ARHGAP42: variants seen among roughly 807,000 people sequenced by gnomAD.
ARHGAP42 encodes rho GTPase-activating protein 42.
ARHGAP42 carries 63 observed loss-of-function variants against 125.0 expected under a neutral mutation model. The ratio of observed to expected loss-of-function variants is 0.50; its 90% CI spans 0.41 to 0.62. ARHGAP42 has a LOEUF of 0.62. ARHGAP42 is among the 20% of genes least tolerant of loss of function. The pLI is 0.00. For synonymous variants in ARHGAP42, 339 were observed against 351.0 expected (o/e 0.97, Z 0.38); for missense variants, 766 against 1,024.2 (o/e 0.75, Z 3.44).
chr11:100,946,465 A>T (rs1868021281), intron 10 of ARHGAP42, among the ~76,000 whole-genome samples: 1 of 152,066 alleles, frequency 6.6e-6, no homozygotes, highest in South Asian at 2.1e-4. Context: ...TTTCTCACTA[A>T]GTTTGGTCAT....
In ARHGAP42 at chr11:100,989,256, GA is replaced by G. The variant is rs1858769016; in HGVS notation, c.*458del. On this transcript the variant is annotated 3_prime_UTR_variant, in exon 24 of 24. Transcript: ENST00000298815. ...TTCATTTATTGTTTTTTTTTTCTTAGAAATATACTGCTTTTATATATGATTG... is the reference window on the plus strand; with the variant it reads ...TTCATTTATTGTTTTTTTTTTCTTAGAATATACTGCTTTTATATATGATTG... The G allele has an allele frequency of 2.5e-6, 1 of 395,782 alleles. No individual in the cohort carries two copies. Among genetic ancestry groups the G allele is most frequent in the Non-Finnish European group, 4.4e-6 (1 of 225,064 alleles). The allele number at this position is 395,782 out of a possible 1,614,324, so 24.5% of individuals were successfully genotyped here.
intron 2 of ARHGAP42, among the ~76,000 whole-genome samples, chr11:100,794,408 T>G (rs532758307): frequency 6.6e-6 from 1 of 152,320 alleles, no homozygotes; most frequent in East Asian, 1.9e-4. Flanking sequence ...TAGGTACAGA[T>G]AGTTTTCTAA....
intron 3 of ARHGAP42, among the ~76,000 whole-genome samples, chr11:100,825,968 A>G (rs1049455141): frequency 3.9e-5 from 6 of 152,148 alleles, no homozygotes; most frequent in Admixed American, 6.5e-5. Flanking sequence ...GTTGTACTTC[A>G]GTAGAGTTTT....
At position 100,885,372 on chromosome 11, in the gene ARHGAP42, T is replaced by G. The variant is rs138296108; in HGVS notation, c.384+25747T>G. On this transcript the variant is annotated intron_variant, in intron 4 of 23. Coordinates refer to ENST00000298815, the MANE Select transcript of ARHGAP42 (RefSeq NM_152432.4). The stretch of plus-strand genomic sequence containing the variant: ...GTTGAATCTTAAAGAATCTTCCCTG[T>G]CAACAATTTCTTTAGGTTATTTATA... Among the ~76,000 whole-genome samples the G allele has an allele frequency of 5.9e-5, 9 of 152,314 alleles. No homozygotes were observed. In the East Asian group the frequency reaches 1.7e-3, roughly 29 times the overall value.
chr11:100,833,247 A>G (rs1228977803), intron 3 of ARHGAP42, among the ~76,000 whole-genome samples: 1 of 152,236 alleles, frequency 6.6e-6, no homozygotes, highest in Non-Finnish European at 1.5e-5. Context: ...CTCAGCTTTA[A>G]GGAGTTTTGA....
At chr11:100,727,265 T>C (rs934571941) in intron 1 of ARHGAP42, among the ~76,000 whole-genome samples, 2 of 152,346 alleles carry the variant, frequency 1.3e-5, no homozygotes, top group African/African-American at 2.4e-5. Flanking sequence ...TGTGATATAA[T>C]TTAAATATAT....
chr11:100,987,526 A>T lies in ARHGAP42; in HGVS notation c.2470A>T (p.Met824Leu), dbSNP rs1565308792. ...TTGCTCTTTCAGCCAAGCCAAAGCC[A>T]TGTACTCCTGTAAAGCAGAGCACAG... ...PVSSGRQAKA[M>L]YSCKAEHSHE... The change falls in exon 23 of 24, where the codon ATG (methionine) becomes TTG (leucine). Residue 824 changes from methionine to leucine, a missense_variant. Transcript: ENST00000298815. 1.9e-6 allele frequency: 3 copies of T among 1,551,888 alleles called. No homozygotes were observed. Among genetic ancestry groups the T allele is most frequent in the Non-Finnish European group, 2.6e-6 (3 of 1,146,964 alleles).
chr11:100,747,678 T>C (rs1862336036), intron 1 of ARHGAP42, among the ~76,000 whole-genome samples: 1 of 152,242 alleles, frequency 6.6e-6, no homozygotes. Flanking sequence ...AAAATCCACA[T>C]TCTTTTTCCT....
Position 100,895,501 on chromosome 11 carries a change from T to C in ARHGAP42, c.385-17951T>C, listed in dbSNP as rs1043747604. Among the ~76,000 whole-genome samples the C allele has an allele frequency of 3.4e-4, 51 of 151,732 alleles. 1 individual carries two copies. The Middle Eastern group carries it at 0.01, about 31-fold the overall frequency. Reference sequence around the variant, plus strand: ...TTCTTATAAAAGAGCAACTTTTTTTTTTTTTTTTTTTTAATCCTAAGATCA... The same window carrying C: ...TTCTTATAAAAGAGCAACTTTTTTTCTTTTTTTTTTTTAATCCTAAGATCA... On this transcript the variant is annotated intron_variant, in intron 4 of 23. Transcript: ENST00000298815.
chr11:100,896,742 C>T (rs1046427820), intron 4 of ARHGAP42, among the ~76,000 whole-genome samples: 1 of 152,070 alleles, frequency 6.6e-6, no homozygotes, highest in African/African-American at 2.4e-5. Context: ...GATATTAGTC[C>T]TTTGTCAGAT....
At chr11:100,741,429 TA>T (rs1380236960) in intron 1 of ARHGAP42, among the ~76,000 whole-genome samples, 1 of 152,164 alleles carries the variant, frequency 6.6e-6, no homozygotes, top group Non-Finnish European at 1.5e-5. Context: ...TGTGTGTGAA[TA>T]GAGAGAGGGT....
At chr11:100,818,831 G>A (rs986383511) in intron 3 of ARHGAP42, among the ~76,000 whole-genome samples, 2 of 152,058 alleles carry the variant, frequency 1.3e-5, no homozygotes, top group African/African-American at 4.8e-5. Context: ...AGAAAACTTA[G>A]CCTTGACAGT....
At chr11:100,767,727 G>T (rs561798924) in intron 1 of ARHGAP42, among the ~76,000 whole-genome samples, 18 of 152,218 alleles carry the variant, frequency 1.2e-4, no homozygotes, top group Non-Finnish European at 2.5e-4. Context: ...TGTATCCCCA[G>T]TCTCAACTCT....
intron 4 of ARHGAP42, among the ~76,000 whole-genome samples, chr11:100,890,328 T>C (rs1866188064): frequency 6.6e-6 from 1 of 152,332 alleles, no homozygotes; most frequent in East Asian, 1.9e-4. Context: ...TGCATTTGTT[T>C]CCTTTCATGG....
chr11:100,804,675 G>C (rs1863948008), intron 3 of ARHGAP42, among the ~76,000 whole-genome samples: 2 of 151,648 alleles, frequency 1.3e-5, no homozygotes, highest in Admixed American at 6.6e-5. Flanking sequence ...ACCATGCCCA[G>C]CTAATTTTTT....
intron 3 of ARHGAP42, among the ~76,000 whole-genome samples, chr11:100,818,043 C>T (rs960320801): frequency 6.6e-6 from 1 of 152,186 alleles, no homozygotes; most frequent in Non-Finnish European, 1.5e-5. Flanking sequence ...CTCCAATAGT[C>T]TGAGGCCAGA....
chr11:100,780,027 A>T (rs1380537498), intron 2 of ARHGAP42, among the ~76,000 whole-genome samples: 1 of 151,698 alleles, frequency 6.6e-6, no homozygotes, highest in East Asian at 1.9e-4. Flanking sequence ...CTCCATCTCA[A>T]AAACTAAAAA....
At chr11:100,947,601 G>A (rs907555906) in intron 10 of ARHGAP42, among the ~76,000 whole-genome samples, 2 of 151,748 alleles carry the variant, frequency 1.3e-5, no homozygotes, top group Admixed American at 6.6e-5. Flanking sequence ...TTTATTTTTG[G>A]TATTACTACA....
chr11:100,771,132 A>G (rs1289610129), intron 2 of ARHGAP42, among the ~76,000 whole-genome samples: 2 of 152,162 alleles, frequency 1.3e-5, no homozygotes, highest in Admixed American at 6.6e-5. Flanking sequence ...CAAATCAGCT[A>G]TGATTCCCTA....
Sources: gnomAD v4.1 joint callset for allele counts (sites outside exome capture counted in the v4.1 genomes callset) on GRCh38, gnomAD v4.1.1 for gene constraint, MANE v1.5 for transcripts, NCBI Gene and HGNC (gene_info 2026-07-23, HGNC 2026-07-21) for gene names.